MEOX2: variants seen among roughly 807,000 people sequenced by gnomAD.
MEOX2 encodes homeobox protein MOX-2.
Under a neutral mutation model 27.0 loss-of-function variants are expected in MEOX2, and 11 were observed. The ratio of observed to expected loss-of-function variants is 0.41; its 90% confidence interval spans 0.26 to 0.68. MEOX2 has a LOEUF of 0.68. Among genes scored for constraint, MEOX2 ranks in the 30% least tolerant of loss-of-function variants. The pLI is 0.33. For synonymous variants in MEOX2, 189 were observed against 155.4 expected (o/e 1.22, Z -1.61); for missense variants, 436 against 385.4 (o/e 1.13, Z -1.10).
At chr7:15,654,554 T>C (rs1781790092) in intron 1 of MEOX2, among the ~76,000 whole-genome samples, 1 of 151,802 alleles carries the variant, frequency 6.6e-6, no homozygotes. Flanking sequence ...TTTATTTTTA[T>C]CAAGTTGAGG....
At chr7:15,683,392 A>G (rs1182288478) in intron 1 of MEOX2, among the ~76,000 whole-genome samples, 1 of 152,058 alleles carries the variant, frequency 6.6e-6, no homozygotes, top group African/African-American at 2.4e-5. Context: ...ATTTTTATCT[A>G]ATACAATTTT....
At chr7:15,634,735 T>C (rs1229970499) in intron 1 of MEOX2, among the ~76,000 whole-genome samples, 2 of 151,986 alleles carry the variant, frequency 1.3e-5, no homozygotes, top group African/African-American at 4.8e-5. Context: ...ATCCCACCTT[T>C]ATACTGTGGT....
In MEOX2 at chr7:15,650,442, A is replaced by G. The variant is rs1781717048; in HGVS notation, c.518-23524T>C. Among the ~76,000 whole-genome samples, 5 of 152,100 alleles carry G rather than the reference A, an allele frequency of 3.3e-5. No individual in the cohort carries two copies. In the South Asian group the frequency reaches 1.0e-3, roughly 32 times the overall value. On this transcript the variant is annotated intron_variant, in intron 1 of 2. Transcript: ENST00000262041. ...TTTACCTACCTTCTAGGTACCTTTCAATTTGCTTTTACTGTTCCTTTGAAA... is the reference window on the plus strand; with the variant it reads ...TTTACCTACCTTCTAGGTACCTTTCGATTTGCTTTTACTGTTCCTTTGAAA...
At chr7:15,633,102 T>C (rs1435346227) in intron 1 of MEOX2, among the ~76,000 whole-genome samples, 77 of 151,988 alleles carry the variant, frequency 5.1e-4, no homozygotes, top group Admixed American at 5.1e-3. Context: ...TACCACATTA[T>C]GTCACTGTAC....
chr7:15,673,531 A>G (rs1219360912), intron 1 of MEOX2, among the ~76,000 whole-genome samples: 1 of 150,220 alleles, frequency 6.7e-6, no homozygotes, highest in African/African-American at 2.5e-5. Flanking sequence ...ACTGAAGGTG[A>G]ATTTACAATT....
At chr7:15,671,367 G>C (rs1782094047) in intron 1 of MEOX2, among the ~76,000 whole-genome samples, 1 of 152,158 alleles carries the variant, frequency 6.6e-6, no homozygotes, top group Non-Finnish European at 1.5e-5. Flanking sequence ...TAACCAAACT[G>C]ATCAGATTTA....
intron 1 of MEOX2, chr7:15,681,656 T>C (rs1782293262): frequency 6.6e-6 from 1 of 151,788 alleles, no homozygotes; most frequent in African/African-American, 2.4e-5. Flanking sequence ...GAACGGTCTA[T>C]GTTTTGAAAC....
chr7:15,620,499 G>A (rs1781205530), intron 2 of MEOX2, among the ~76,000 whole-genome samples: 1 of 152,152 alleles, frequency 6.6e-6, no homozygotes, highest in Non-Finnish European at 1.5e-5. Context: ...CCTGAACTCA[G>A]GAGGCGGAGC....
At chr7:15,619,232 A>T (rs1583739269) in intron 2 of MEOX2, among the ~76,000 whole-genome samples, 2 of 152,036 alleles carry the variant, frequency 1.3e-5, no homozygotes, top group African/African-American at 4.8e-5. Context: ...TCTCAGTTTT[A>T]GAATTTTTTT....
chr7:15,628,565 T>G (rs1048340771), intron 1 of MEOX2, among the ~76,000 whole-genome samples: 1 of 152,124 alleles, frequency 6.6e-6, no homozygotes, highest in Admixed American at 6.6e-5. Flanking sequence ...ATGTGGGGCT[T>G]TATCCAGCAC....
chr7:15,686,310 T>A lies in MEOX2; in HGVS notation c.93A>T (p.Gly31=). 1 of 1,609,928 alleles carries A rather than the reference T, an allele frequency of 6.2e-7. No homozygotes were observed. ...CGGGGTAAGACATATGGTCAGATCT[T>A]CCATGGAGGGCGAGAGAGGATTGGG... ...PFSQSSLALH[G]RSDHMSYPEL... is the part of the protein sequence containing the mutation. The change falls in exon 1 of 3, where the codon GGA becomes GGT. Residue 31 remains glycine (G), a synonymous_variant. Transcript: ENST00000262041.
intron 1 of MEOX2, among the ~76,000 whole-genome samples, chr7:15,640,575 G>T (rs1279807957): frequency 6.6e-6 from 1 of 152,046 alleles, no homozygotes; most frequent in Non-Finnish European, 1.5e-5. Flanking sequence ...GAATAGCAAT[G>T]GTGAGAGTGG....
intron 1 of MEOX2, among the ~76,000 whole-genome samples, chr7:15,636,338 C>T (rs1234824946): frequency 6.6e-6 from 1 of 151,810 alleles, no homozygotes; most frequent in Non-Finnish European, 1.5e-5. Flanking sequence ...ATTGATTTTG[C>T]TTTGGTTTCA....
chr7:15,630,623 G>T (rs1207758088), intron 1 of MEOX2, among the ~76,000 whole-genome samples: 1 of 151,964 alleles, frequency 6.6e-6, no homozygotes, highest in Non-Finnish European at 1.5e-5. Context: ...CTAAGCCTCA[G>T]CATATTGCTG....
intron 1 of MEOX2, among the ~76,000 whole-genome samples, chr7:15,683,257 A>C (rs1026515619): frequency 6.6e-6 from 1 of 152,054 alleles, no homozygotes; most frequent in Non-Finnish European, 1.5e-5. Flanking sequence ...TATTAGATGC[A>C]GGGATACAGA....
At chr7:15,612,643 A>T (rs753835415) in intron 2 of MEOX2, 32 bp from the exon 3 acceptor site, 11 of 1,584,568 alleles carry the variant, frequency 6.9e-6, no homozygotes, top group African/African-American at 1.3e-5. Context: ...AACAAACAGA[A>T]AAAAAGAGAT....
chr7:15,684,532 G>C (rs2237498), intron 1 of MEOX2, among the ~76,000 whole-genome samples: 77,232 of 151,974 alleles, frequency 0.51, 20,387 homozygotes, highest in African/African-American at 0.65. Context: ...GAGACCGTGA[G>C]AGAAGAATCC....
intron 2 of MEOX2, among the ~76,000 whole-genome samples, chr7:15,621,070 G>A (rs1226401891): frequency 3.3e-5 from 5 of 152,140 alleles, no homozygotes; most frequent in Non-Finnish European, 5.9e-5. Flanking sequence ...AGAAAAAAAC[G>A]CCAGAATAAG....
intron 1 of MEOX2, among the ~76,000 whole-genome samples, chr7:15,661,770 C>T (rs1374306563): frequency 6.6e-6 from 1 of 152,128 alleles, no homozygotes; most frequent in African/African-American, 2.4e-5. Context: ...AGCGAACGTT[C>T]AAAACCTAAG....
Sources: allele counts gnomAD v4.1 joint callset (sites outside exome capture counted in the v4.1 genomes callset), GRCh38; gene constraint gnomAD v4.1.1; transcripts MANE v1.5; gene names NCBI Gene and HGNC (gene_info 2026-07-23, HGNC 2026-07-21).